The following LAMA2 variants were observed in gnomAD, a reference collection of about 807,000 sequenced individuals.
LAMA2 encodes the protein laminin subunit alpha 2, also known as laminin subunit alpha-2.
A neutral mutation model predicts 364.8 loss-of-function variants in LAMA2; 269 were observed. That is an observed-to-expected ratio of 0.74 (90% CI 0.67 to 0.82). The LOEUF (loss-of-function observed/expected upper bound fraction) is 0.82. Among genes scored for constraint, LAMA2 ranks in the 40% least tolerant of loss-of-function variants. The pLI is 0.00. For synonymous variants in LAMA2, 1,379 were observed against 1,370.6 expected, an observed-to-expected ratio of 1.01 and a Z score of -0.14; for missense variants, 3,807 against 3,873.2, an observed-to-expected ratio of 0.98 and a Z score of 0.45.
intron 1 of LAMA2, among the ~76,000 whole-genome samples, chr6:128,997,336 G>A (rs1240503514): frequency 1.2e-5 from 1 of 82,890 alleles, no homozygotes; most frequent in African/African-American, 4.8e-5. Context: ...GAGAAAGAAA[G>A]AGAAAGAAAG....
intron 1 of LAMA2, among the ~76,000 whole-genome samples, chr6:129,008,890 A>C (rs1784596142): frequency 6.6e-6 from 1 of 152,184 alleles, no homozygotes; most frequent in African/African-American, 2.4e-5. Context: ...CCACAAATAC[A>C]TATTGTACCC....
chr6:129,312,131 C>T (rs1292757356), intron 22 of LAMA2, among the ~76,000 whole-genome samples: 2 of 146,712 alleles, frequency 1.4e-5, no homozygotes, highest in Admixed American at 1.4e-4. Context: ...ACTGAAAGAA[C>T]TATGTTCCAG....
At chr6:129,352,544 T>C (rs9385488) in intron 31 of LAMA2, among the ~76,000 whole-genome samples, 5,872 of 152,310 alleles carry the variant, frequency 0.039, 205 homozygotes, top group East Asian at 0.16. Context: ...TTTTGCCTCA[T>C]TGGTAAAATT....
intron 1 of LAMA2, among the ~76,000 whole-genome samples, chr6:128,995,664 C>G (rs980097097): frequency 6.6e-6 from 1 of 152,128 alleles, no homozygotes; most frequent in Non-Finnish European, 1.5e-5. Flanking sequence ...TCTCTCTCCC[C>G]TCTGTTGTAT....
At chr6:129,015,613 T>A (rs1406515050) in intron 1 of LAMA2, among the ~76,000 whole-genome samples, 1 of 152,128 alleles carries the variant, frequency 6.6e-6, no homozygotes, top group Non-Finnish European at 1.5e-5. Flanking sequence ...TTATATTTGT[T>A]ACTTTGGTAC....
chr6:128,942,150 G>T (rs182618098), intron 1 of LAMA2, among the ~76,000 whole-genome samples: 1 of 152,058 alleles, frequency 6.6e-6, no homozygotes, highest in South Asian at 2.1e-4. Flanking sequence ...TTCAAGCTCT[G>T]TTTCGGACAT....
At position 129,163,118 on chromosome 6, in the gene LAMA2, TA is replaced by T. The variant is rs562345997; in HGVS notation, c.1207-2457del. Among the ~76,000 whole-genome samples, 15 of 152,278 alleles carry T rather than the reference TA, an allele frequency of 9.9e-5. No individual in the cohort carries two copies. The South Asian group carries it at 2.7e-3, about 27-fold the overall frequency. ...TTAGGCTATTTTTTTTATTTTTACT[TA>T]TTTTTTTTAGGCTTTTGTTTAAAAC... On this transcript the variant is annotated intron_variant, in intron 8 of 64. Transcript: ENST00000421865.
At chr6:129,136,416 G>A (rs1394617955) in intron 4 of LAMA2, among the ~76,000 whole-genome samples, 1 of 151,972 alleles carries the variant, frequency 6.6e-6, no homozygotes, top group Non-Finnish European at 1.5e-5. Context: ...CTGGTGTTTG[G>A]TAGTTCCATA....
In LAMA2 at chr6:129,186,515, A is replaced by T. The variant is rs115916776; in HGVS notation, c.1468-3690A>T. Among the ~76,000 whole-genome samples, 675 of 151,850 alleles carry T rather than the reference A, an allele frequency of 4.4e-3. 4 individuals carry two copies. The highest frequency in any genetic ancestry group is 0.015 in the African/African-American group (636 of 41,494). ...TTTATTTATTTATTTATTTCAATAA[A>T]TGCCCTTTAGTAGATATTTTTACAT... On this transcript the variant is annotated intron_variant, in intron 10 of 64. Coordinates refer to ENST00000421865, the MANE Select transcript of LAMA2 (RefSeq NM_000426.4).
chr6:129,156,491 T>C lies in LAMA2; in HGVS notation c.1206+1808T>C, dbSNP rs533808735. Among the ~76,000 whole-genome samples, 3 of 152,066 alleles carry C rather than the reference T, an allele frequency of 2.0e-5. No individual in the cohort carries two copies. The East Asian group carries it at 5.8e-4, about 29-fold the overall frequency. On this transcript the variant is annotated intron_variant, in intron 8 of 64. Transcript: ENST00000421865. ...TGTAATTGTTAAAGAATTTTGAATA[T>C]TGACTTTATGCCCTATAGCCATCCT...
At chr6:129,116,698 A>G (rs975254395) in intron 4 of LAMA2, among the ~76,000 whole-genome samples, 1 of 152,150 alleles carries the variant, frequency 6.6e-6, no homozygotes, top group African/African-American at 2.4e-5. Flanking sequence ...TGCATTTTAT[A>G]CATTTATTTA....
chr6:129,225,824 G>C (rs1035390689), intron 12 of LAMA2, among the ~76,000 whole-genome samples: 2 of 152,192 alleles, frequency 1.3e-5, no homozygotes, highest in African/African-American at 4.8e-5. Context: ...ATTTGGGGTG[G>C]AGAGTTCTGC....
At chr6:129,226,918 G>A (rs1784334482) in intron 12 of LAMA2, among the ~76,000 whole-genome samples, 1 of 152,124 alleles carries the variant, frequency 6.6e-6, no homozygotes, top group African/African-American at 2.4e-5. Flanking sequence ...ATAATATCCT[G>A]CAGAATGTTT....
At chr6:129,021,068 A>C (rs915104265) in intron 1 of LAMA2, among the ~76,000 whole-genome samples, 7 of 152,136 alleles carry the variant, frequency 4.6e-5, no homozygotes, top group Non-Finnish European at 1.0e-4. Context: ...TAAAACCACA[A>C]CTTTAATTCC....
At chr6:129,455,360 TTGG>T (rs1782904412) in intron 47 of LAMA2, among the ~76,000 whole-genome samples, 1 of 152,136 alleles carries the variant, frequency 6.6e-6, no homozygotes, top group African/African-American at 2.4e-5. Context: ...GCTTGCGTGT[TTGG>T]TGGTGTTGAG....
chr6:129,273,456 G>A (rs1788081819), intron 17 of LAMA2, among the ~76,000 whole-genome samples: 1 of 152,154 alleles, frequency 6.6e-6, no homozygotes, highest in Non-Finnish European at 1.5e-5. Context: ...AATTCCAGCT[G>A]AATACATATT....
chr6:129,428,931 C>T (rs1214929178), intron 41 of LAMA2, among the ~76,000 whole-genome samples: 1 of 152,104 alleles, frequency 6.6e-6, no homozygotes, highest in Non-Finnish European at 1.5e-5. Context: ...ACCTGTTTCT[C>T]TCTTCAGTTT....
chr6:129,373,365 CAA>C (rs1778194043), intron 34 of LAMA2, among the ~76,000 whole-genome samples: 1 of 152,124 alleles, frequency 6.6e-6, no homozygotes, highest in African/African-American at 2.4e-5. Flanking sequence ...AAAAAACTTG[CAA>C]AGAGAGTACC....
chr6:128,901,420 A>G (rs1777072512), intron 1 of LAMA2, among the ~76,000 whole-genome samples: 1 of 152,196 alleles, frequency 6.6e-6, no homozygotes, highest in African/African-American at 2.4e-5. Context: ...TATTAAGCTA[A>G]GTCATTCATT....
Sources: gnomAD v4.1 joint callset for allele counts (sites outside exome capture counted in the v4.1 genomes callset) on GRCh38, gnomAD v4.1.1 for gene constraint, MANE v1.5 for transcripts, NCBI Gene and HGNC (gene_info 2026-07-23, HGNC 2026-07-21) for gene names.